The following SMYD3 variants were observed in gnomAD, a reference collection of about 807,000 sequenced individuals.
The protein encoded by SMYD3 is histone-lysine N-methyltransferase SMYD3.
A neutral mutation model predicts 57.7 loss-of-function variants in SMYD3; 36 were observed. The ratio of observed to expected loss-of-function variants is 0.62; its 90% CI spans 0.48 to 0.82. SMYD3 has a LOEUF of 0.82. Ranked by LOEUF, SMYD3 falls within the 40% of genes least tolerant of loss-of-function variation. The pLI is 0.00. For missense variants in SMYD3, 515 were observed against 538.8 expected, an observed-to-expected ratio of 0.96 and a Z score of 0.44; for synonymous variants, 211 against 195.0, an observed-to-expected ratio of 1.08 and a Z score of -0.68.
intron 5 of SMYD3, among the ~76,000 whole-genome samples, chr1:246,088,203 C>A (rs1206233965): frequency 1.3e-5 from 2 of 152,044 alleles, no homozygotes; most frequent in Non-Finnish European, 2.9e-5. Flanking sequence ...CAGGTAAAAG[C>A]GCATCAAAAC....
At chr1:246,506,917 T>G in intron 1 of SMYD3, 137 bp downstream of exon 1, 1 of 776,078 alleles carries the variant, frequency 1.3e-6, no homozygotes, top group Non-Finnish European at 1.8e-6. Flanking sequence ...CACACGCGCG[T>G]CAGGGGCAGC....
intron 5 of SMYD3, among the ~76,000 whole-genome samples, chr1:245,960,668 A>C (rs2057977001): frequency 6.6e-6 from 1 of 152,172 alleles, no homozygotes; most frequent in Admixed American, 6.5e-5. Context: ...TGGAGGTTGC[A>C]GTGAGCTGAG....
chr1:246,252,436 G>A (rs1172347474), intron 5 of SMYD3, among the ~76,000 whole-genome samples: 3 of 152,168 alleles, frequency 2.0e-5, no homozygotes, highest in Admixed American at 6.5e-5. Context: ...TAAAGCACAC[G>A]GAGATGAGTG....
At chr1:246,121,351 T>C (rs2061421713) in intron 5 of SMYD3, among the ~76,000 whole-genome samples, 1 of 151,774 alleles carries the variant, frequency 6.6e-6, no homozygotes, top group South Asian at 2.1e-4. Flanking sequence ...CTCATGTTTC[T>C]TGTTTTGTTT....
At chr1:246,506,983 C>CCCCCCCCCCCCCCCCCCCCCCCCCCCCA in intron 1 of SMYD3, 71 bp downstream of exon 1, 1 of 810,932 alleles carries the variant, frequency 1.2e-6, no homozygotes, top group Non-Finnish European at 1.7e-6. Flanking sequence ...CTGCCGGCCG[C>CCCCCCCCCCCCCCCCCCCCCCCCCCCCA]CCGACGCCCC....
In SMYD3 at chr1:246,202,167, T is replaced by C. The variant is rs2062932530; in HGVS notation, c.531+125034A>G. Among the ~76,000 whole-genome samples, 1 of 152,202 alleles carries C rather than the reference T, an allele frequency of 6.6e-6. No individual in the cohort carries two copies. The highest frequency in any genetic ancestry group is 1.5e-5 in the Non-Finnish European group (1 of 68,040). ...TTAATACTTTTACTTAACGATATTTTCTATAATGTACTTTTATGATTTGAA... is the reference window on the plus strand; with the variant it reads ...TTAATACTTTTACTTAACGATATTTCCTATAATGTACTTTTATGATTTGAA... On this transcript the variant is annotated intron_variant, in intron 5 of 11. Transcript: ENST00000490107. The surrounding 1 kb of genome is among the most constrained non-coding windows in gnomAD (Gnocchi z 4.1).
intron 10 of SMYD3, among the ~76,000 whole-genome samples, chr1:245,775,428 T>C (rs1431736929): frequency 6.6e-6 from 1 of 151,850 alleles, no homozygotes; most frequent in Non-Finnish European, 1.5e-5. Flanking sequence ...CCCTGTGCTC[T>C]CTGAAACATG....
Position 246,355,490 on chromosome 1 carries a change from C to G in SMYD3, c.165-396G>C, listed in dbSNP as rs1319173213. On this transcript the variant is annotated intron_variant, in intron 1 of 11. Coordinates refer to ENST00000490107, the MANE Select transcript of SMYD3 (RefSeq NM_001167740.2). This position sits in a 1 kb window ranked among gnomAD's most constrained non-coding sequence, Gnocchi z 5.0. ...TATCGCCACTGCAGGCTCCCTGAGA[C>G]TCTGAAAAGATGTGAGCTGCCTGCT... 2.0e-5 allele frequency among the ~76,000 whole-genome samples: 3 copies of G among 152,182 alleles called. No homozygotes were observed. Among genetic ancestry groups the G allele is most frequent in the Admixed American group, 6.5e-5 (1 of 15,288 alleles).
At chr1:245,777,888 T>C (rs1043561041) in intron 10 of SMYD3, among the ~76,000 whole-genome samples, 2 of 152,022 alleles carry the variant, frequency 1.3e-5, no homozygotes, top group African/African-American at 4.8e-5. Flanking sequence ...CAAAACAGAA[T>C]GCAGTTATAA....
intron 5 of SMYD3, among the ~76,000 whole-genome samples, chr1:246,260,653 G>A (rs150688441): frequency 0.014 from 2,094 of 151,886 alleles, 43 homozygotes; most frequent in African/African-American, 0.047. Context: ...GGATGGTCTC[G>A]ATCTCTTGAC....
intron 5 of SMYD3, among the ~76,000 whole-genome samples, chr1:246,063,088 C>T (rs556486384): frequency 4.1e-4 from 62 of 152,274 alleles, no homozygotes; most frequent in African/African-American, 1.2e-3. Context: ...ACTAGGCAGA[C>T]TCTCAGGGCT....
chr1:246,244,219 C>G (rs1400930586), intron 5 of SMYD3, among the ~76,000 whole-genome samples: 1 of 152,054 alleles, frequency 6.6e-6, no homozygotes, highest in African/African-American at 2.4e-5. Context: ...TTTCCCACAC[C>G]TAAAAGAGGC....
intron 5 of SMYD3, among the ~76,000 whole-genome samples, chr1:246,196,303 T>C (rs962434365): frequency 2.6e-5 from 4 of 152,150 alleles, no homozygotes; most frequent in African/African-American, 9.7e-5. Flanking sequence ...CTTGTCTTTT[T>C]TCCTTTGTGT....
intron 1 of SMYD3, among the ~76,000 whole-genome samples, chr1:246,375,818 C>T (rs2066266897): frequency 6.6e-6 from 1 of 152,060 alleles, no homozygotes; most frequent in South Asian, 2.1e-4. Context: ...CAACCTCCGC[C>T]CCCTGGGTTG....
At chr1:246,396,550 T>G (rs116289449) in intron 1 of SMYD3, among the ~76,000 whole-genome samples, 1,861 of 152,314 alleles carry the variant, frequency 0.012, 16 homozygotes, top group Non-Finnish European at 0.019. Flanking sequence ...TCGGTTTATT[T>G]TGATACTTAA....
At chr1:245,802,190 G>A (rs865828835) in intron 10 of SMYD3, among the ~76,000 whole-genome samples, 1 of 152,178 alleles carries the variant, frequency 6.6e-6, no homozygotes, top group African/African-American at 2.4e-5. Context: ...CTGCATTTAA[G>A]CAACAAAATT....
intron 5 of SMYD3, among the ~76,000 whole-genome samples, chr1:246,030,505 C>T (rs781259873): frequency 2.8e-4 from 43 of 152,062 alleles, no homozygotes; most frequent in Admixed American, 4.6e-4. Context: ...CAGCATTGTA[C>T]GCTGAATATG....
rs369525926 is a variant in SMYD3 at position 245,786,217 on chromosome 1, G to GGT, written c.1077-22069_1077-22068insAC. 9.5e-5 allele frequency among the ~76,000 whole-genome samples: 14 copies of GGT among 148,140 alleles called. 1 individual carries two copies. The highest frequency in any genetic ancestry group is 2.3e-4 in the African/African-American group (9 of 39,494). On this transcript the variant is annotated intron_variant, in intron 10 of 11. Coordinates refer to ENST00000490107, the MANE Select transcript of SMYD3 (RefSeq NM_001167740.2). ...TGAGTTGAGTTGGGGTGTGGACGGG[G>GGT]GGGGGATGGTGGCAACAGAATATTA...
intron 10 of SMYD3, among the ~76,000 whole-genome samples, chr1:245,853,653 A>G (rs920712216): frequency 6.6e-6 from 1 of 152,216 alleles, no homozygotes; most frequent in Non-Finnish European, 1.5e-5. Context: ...GCTTGAAAAC[A>G]GTAGAAGGTA....
Sources: allele counts gnomAD v4.1 joint callset (sites outside exome capture counted in the v4.1 genomes callset), GRCh38; gene constraint gnomAD v4.1.1; non-coding constraint Gnocchi (gnomAD v3.1); transcripts MANE v1.5; gene names NCBI Gene and HGNC (gene_info 2026-07-23, HGNC 2026-07-21).